Variants in DOCK3 observed in about 807,000 individuals in gnomAD.
DOCK3 encodes the protein dedicator of cytokinesis 3.
In DOCK3, 60 loss-of-function variants were observed where a neutral mutation model predicts 265.6. That is an observed-to-expected ratio of 0.23 (90% CI 0.18 to 0.28). The LOEUF (loss-of-function observed/expected upper bound fraction) is 0.28, where lower values mean the gene tolerates loss of function less well. Among genes scored for constraint, DOCK3 ranks in the 10% least tolerant of loss-of-function variants. DOCK3 has a pLI of 1.00. For synonymous variants in DOCK3, 881 were observed against 938.0 expected, an observed-to-expected ratio of 0.94 and a Z score of 1.11; for missense variants, 1,981 against 2,594.3, an observed-to-expected ratio of 0.76 and a Z score of 5.14.
intron 4 of DOCK3, among the ~76,000 whole-genome samples, chr3:50,933,200 G>T (rs913828973): frequency 6.6e-6 from 1 of 152,178 alleles, no homozygotes; most frequent in African/African-American, 2.4e-5. Flanking sequence ...GATGAGATTT[G>T]AGTGGGGACA....
intron 4 of DOCK3, among the ~76,000 whole-genome samples, chr3:50,917,193 A>G (rs958232198): frequency 6.6e-6 from 1 of 152,126 alleles, no homozygotes; most frequent in African/African-American, 2.4e-5. Flanking sequence ...CTAGCTTCAT[A>G]GCATGAATTG....
chr3:50,761,840 A>T lies in DOCK3; in HGVS notation c.38-16835A>T, dbSNP rs866367750. ...TTATTGTGGCACTATTCACAATAGCAAAGACTTGGAACCAACCAAATGTCC... is the reference window on the plus strand; with the variant it reads ...TTATTGTGGCACTATTCACAATAGCTAAGACTTGGAACCAACCAAATGTCC... On this transcript the variant is annotated intron_variant, in intron 1 of 52. Transcript: ENST00000266037. Among the ~76,000 whole-genome samples the T allele has an allele frequency of 6.6e-5, 10 of 152,318 alleles. 1 individual carries two copies. The South Asian group carries it at 1.0e-3, about 16-fold the overall frequency.
At chr3:50,913,009 C>A (rs1387496795) in intron 4 of DOCK3, among the ~76,000 whole-genome samples, 1 of 152,052 alleles carries the variant, frequency 6.6e-6, no homozygotes, top group African/African-American at 2.4e-5. Flanking sequence ...CTCCACTTTT[C>A]TCAAGCGGAA....
intron 5 of DOCK3, among the ~76,000 whole-genome samples, chr3:50,937,437 G>T (rs1316594430): frequency 6.6e-6 from 1 of 151,992 alleles, no homozygotes; most frequent in Non-Finnish European, 1.5e-5. Flanking sequence ...GGCAGATCAC[G>T]AGGTCAGGAG....
intron 35 of DOCK3, chr3:51,336,795 T>A (rs1336791824): frequency 2.2e-6 from 1 of 446,100 alleles, no homozygotes; most frequent in Non-Finnish European, 4.5e-6. Context: ...GGGACTTAGC[T>A]ATGAAGTTCT....
chr3:51,298,000 A>G (rs772439469), intron 27 of DOCK3, among the ~76,000 whole-genome samples: 8 of 152,136 alleles, frequency 5.3e-5, no homozygotes, highest in Non-Finnish European at 2.9e-5. Context: ...ACAAAAAAAG[A>G]GTAGATATAA....
chr3:51,270,962 C>A lies in DOCK3; in HGVS notation c.2503C>A (p.Gln835Lys). Residue 835 changes from glutamine (Q) to lysine (K), a missense_variant, in exon 24 of 53, where the codon CAG (glutamine) becomes AAG (lysine). Gln to Lys is a moderately conservative substitution (Grantham distance 53, BLOSUM62 1). Coordinates refer to ENST00000266037, the MANE Select transcript of DOCK3 (RefSeq NM_004947.5). Reference protein sequence around the residue: ...IGQSMDVVKLQSIARTVDSRL... With the variant: ...IGQSMDVVKLKSIARTVDSRL... ...GCAGTCAATGGACGTGGTCAAGCTGCAGTCCATTGCCAGGACAGTGGATAG... is the reference window on the plus strand; with the variant it reads ...GCAGTCAATGGACGTGGTCAAGCTGAAGTCCATTGCCAGGACAGTGGATAG... The A allele has an allele frequency of 6.2e-7, 1 of 1,613,946 alleles. No homozygotes were observed. Among genetic ancestry groups the A allele is most frequent in the Non-Finnish European group, 8.5e-7 (1 of 1,179,876 alleles).
chr3:50,924,470 G>T (rs1559821576), intron 4 of DOCK3, among the ~76,000 whole-genome samples: 1 of 152,196 alleles, frequency 6.6e-6, no homozygotes, highest in East Asian at 1.9e-4. Context: ...TGTTTAAAAT[G>T]AGTTCCTTGC....
At position 50,934,055 on chromosome 3, in the gene DOCK3, G is replaced by T. The variant is rs751949938; in HGVS notation, c.293G>T (p.Ser98Ile). 5.0e-6 allele frequency: 8 copies of T among 1,610,408 alleles called. No homozygotes were observed. The Admixed American group carries it at 5.0e-5, about 10-fold the overall frequency. ...ACAGCAACTCTACAAGAATGGGCAA[G>T]TTTGTGGAAACAGTTGTATGTGGTA... The part of the protein sequence containing the change: ...EVTATLQEWA[S>I]LWKQLYVKHK... Residue 98 changes from serine to isoleucine, a missense_variant, in exon 5 of 53, where the codon AGT becomes ATT. This residue lies in a region of DOCK3 where 456 missense variants were observed against 539.0 expected (regional missense o/e 0.85). Transcript: ENST00000266037.
chr3:51,360,013 C>T (rs867708723), intron 46 of DOCK3, among the ~76,000 whole-genome samples: 3 of 152,186 alleles, frequency 2.0e-5, no homozygotes, highest in Admixed American at 6.5e-5. Flanking sequence ...CAGTTACATA[C>T]ATCAGGATTT....
chr3:50,834,547 A>G (rs1392926441), intron 2 of DOCK3, among the ~76,000 whole-genome samples: 1 of 152,198 alleles, frequency 6.6e-6, no homozygotes, highest in East Asian at 1.9e-4. Context: ...TATGATTTGT[A>G]TACCAAATAA....
At chr3:51,144,376 A>G (rs1188267999) in intron 9 of DOCK3, among the ~76,000 whole-genome samples, 1 of 152,172 alleles carries the variant, frequency 6.6e-6, no homozygotes, top group Non-Finnish European at 1.5e-5. Flanking sequence ...TGTCCTTGTT[A>G]CATGTGACTC....
intron 12 of DOCK3, among the ~76,000 whole-genome samples, chr3:51,184,335 G>GA (rs1477021327): frequency 4.8e-5 from 7 of 146,802 alleles, no homozygotes; most frequent in African/African-American, 1.0e-4. Flanking sequence ...AAAAAAGAAA[G>GA]AAAAAAAACC....
chr3:51,164,940 CTTTT>C (rs66495824), intron 12 of DOCK3, among the ~76,000 whole-genome samples: 1 of 106,902 alleles, frequency 9.4e-6, no homozygotes, highest in African/African-American at 3.6e-5. Context: ...GTTTAGGAGC[CTTTT>C]TTTTTTTTTT....
At chr3:50,787,873 CT>C in intron 2 of DOCK3, 2 of 1,068,636 alleles carry the variant, frequency 1.9e-6, no homozygotes, top group Non-Finnish European at 1.4e-6. Flanking sequence ...AAGAGGTACC[CT>C]TTTCCCCTTT....
At chr3:51,325,696 A>G (rs2084056634) in intron 32 of DOCK3, among the ~76,000 whole-genome samples, 1 of 152,244 alleles carries the variant, frequency 6.6e-6, no homozygotes, top group South Asian at 2.1e-4. Flanking sequence ...GATAAAGAAA[A>G]TGTGGCACAT....
chr3:51,360,343 T>A (rs1270627364), intron 46 of DOCK3, among the ~76,000 whole-genome samples, 168 bp from the exon 47 acceptor site: 1 of 152,222 alleles, frequency 6.6e-6, no homozygotes, highest in East Asian at 1.9e-4. Flanking sequence ...GGTGTTTTAG[T>A]CGTGAAGAGG....
chr3:50,913,783 C>T (rs1358584871), intron 4 of DOCK3, among the ~76,000 whole-genome samples: 1 of 152,102 alleles, frequency 6.6e-6, no homozygotes, highest in Non-Finnish European at 1.5e-5. Context: ...CTTCAGTGCA[C>T]AGGAACCCTC....
At chr3:51,255,906 G>C (rs2079520763) in intron 22 of DOCK3, among the ~76,000 whole-genome samples, 1 of 152,170 alleles carries the variant, frequency 6.6e-6, no homozygotes. Flanking sequence ...TTGTTCTGTT[G>C]CTGGCGAGGA....
Sources: allele counts gnomAD v4.1 joint callset (sites outside exome capture counted in the v4.1 genomes callset), GRCh38; gene constraint gnomAD v4.1.1; regional missense constraint gnomAD v4.1.1; transcripts MANE v1.5; gene names NCBI Gene and HGNC (gene_info 2026-07-23, HGNC 2026-07-21).